UBE2E2: variants seen among roughly 807,000 people sequenced by gnomAD.
UBE2E2 encodes ubiquitin-conjugating enzyme E2 E2.
In UBE2E2, 6 loss-of-function variants were observed where a neutral mutation model predicts 24.7. That is an observed-to-expected ratio of 0.24 (90% confidence interval 0.13 to 0.48). The LOEUF (loss-of-function observed/expected upper bound fraction) is 0.48. Among genes scored for constraint, UBE2E2 ranks in the 20% least tolerant of loss-of-function variants. The pLI is 0.99. For missense variants in UBE2E2, 169 were observed against 245.0 expected, an observed-to-expected ratio of 0.69 and a Z score of 2.07; for synonymous variants, 104 against 83.6, an observed-to-expected ratio of 1.24 and a Z score of -1.33.
chr3:23,575,240 T>C (rs1696322027), intron 5 of UBE2E2, among the ~76,000 whole-genome samples: 1 of 152,058 alleles, frequency 6.6e-6, no homozygotes, highest in African/African-American at 2.4e-5. Flanking sequence ...TACCAATATT[T>C]AAAAATCAGT....
chr3:23,315,884 A>G (rs1208961757), intron 3 of UBE2E2, among the ~76,000 whole-genome samples: 1 of 151,228 alleles, frequency 6.6e-6, no homozygotes, highest in Non-Finnish European at 1.5e-5. Flanking sequence ...TAGAGGTACC[A>G]TCTTGGTGGT....
intron 3 of UBE2E2, among the ~76,000 whole-genome samples, chr3:23,397,383 A>G (rs1697104060): frequency 6.7e-6 from 1 of 148,482 alleles, no homozygotes; most frequent in African/African-American, 2.5e-5. Flanking sequence ...AAAATTGTGA[A>G]CAATAACACT....
chr3:23,307,604 G>A (rs1221120530), intron 3 of UBE2E2, among the ~76,000 whole-genome samples: 1 of 152,102 alleles, frequency 6.6e-6, no homozygotes, highest in Non-Finnish European at 1.5e-5. Flanking sequence ...GAAACCATGA[G>A]TTGAGTTCAG....
At chr3:23,234,379 G>C (rs1431848026) in intron 3 of UBE2E2, among the ~76,000 whole-genome samples, 2 of 152,044 alleles carry the variant, frequency 1.3e-5, no homozygotes, top group African/African-American at 4.8e-5. Flanking sequence ...TTTTCTGTGT[G>C]GAAGGTAGTC....
At chr3:23,452,626 G>A (rs949711605) in intron 3 of UBE2E2, among the ~76,000 whole-genome samples, 4 of 152,174 alleles carry the variant, frequency 2.6e-5, no homozygotes, top group African/African-American at 9.7e-5. Context: ...TAGGCTAGGT[G>A]ATAACTGTTA....
chr3:23,250,230 A>C (rs9867046), intron 3 of UBE2E2, among the ~76,000 whole-genome samples: 23,388 of 152,152 alleles, frequency 0.15, 1,976 homozygotes, highest in South Asian at 0.25. Flanking sequence ...ATTCAGATCA[A>C]ACCACCTGGC....
chr3:23,464,288 T>G (rs1266337744), intron 3 of UBE2E2, among the ~76,000 whole-genome samples: 1 of 152,134 alleles, frequency 6.6e-6, no homozygotes, highest in Non-Finnish European at 1.5e-5. Flanking sequence ...GTAACTTACC[T>G]TTATAGGAAA....
chr3:23,400,689 A>G (rs1483418552), intron 3 of UBE2E2, among the ~76,000 whole-genome samples: 2 of 151,696 alleles, frequency 1.3e-5, no homozygotes, highest in African/African-American at 2.4e-5. Flanking sequence ...TTCATTTATT[A>G]TCCACTTAAA....
At chr3:23,394,068 T>G (rs1457603286) in intron 3 of UBE2E2, among the ~76,000 whole-genome samples, 1 of 152,216 alleles carries the variant, frequency 6.6e-6, no homozygotes, top group East Asian at 1.9e-4. Flanking sequence ...TTTAATACTC[T>G]GGTCTGTAGG....
chr3:23,283,545 A>G (rs1312756801), intron 3 of UBE2E2, among the ~76,000 whole-genome samples: 6 of 152,154 alleles, frequency 3.9e-5, no homozygotes, highest in Admixed American at 3.9e-4. Flanking sequence ...TGAGCAACGT[A>G]GTGAGGCCCT....
At chr3:23,449,662 G>A (rs1005499662) in intron 3 of UBE2E2, among the ~76,000 whole-genome samples, 2 of 152,146 alleles carry the variant, frequency 1.3e-5, no homozygotes, top group Non-Finnish European at 2.9e-5. Context: ...TGGTAATACT[G>A]CAGGTGATTT....
intron 3 of UBE2E2, among the ~76,000 whole-genome samples, chr3:23,471,432 A>G (rs1389122471): frequency 1.3e-5 from 2 of 152,202 alleles, no homozygotes; most frequent in African/African-American, 2.4e-5. Context: ...GGGATCAGTA[A>G]ATGTGTGGAA....
At chr3:23,482,741 T>G (rs1699284442) in intron 3 of UBE2E2, among the ~76,000 whole-genome samples, 1 of 152,190 alleles carries the variant, frequency 6.6e-6, no homozygotes, top group Admixed American at 6.5e-5. Flanking sequence ...TTTATGAGAT[T>G]AAATAGGGAT....
intron 4 of UBE2E2, among the ~76,000 whole-genome samples, chr3:23,518,129 G>A (rs964077939): frequency 6.6e-6 from 1 of 152,066 alleles, no homozygotes; most frequent in Admixed American, 6.6e-5. Context: ...GAGAATATTG[G>A]AGGGGAAAAG....
intron 3 of UBE2E2, among the ~76,000 whole-genome samples, chr3:23,223,487 G>T (rs369373917): frequency 2.6e-5 from 4 of 151,912 alleles, no homozygotes; most frequent in African/African-American, 9.7e-5. Context: ...GCTGCGCTTG[G>T]CCCTTTTGCC....
At chr3:23,439,371 G>A (rs1698248213) in intron 3 of UBE2E2, among the ~76,000 whole-genome samples, 1 of 152,202 alleles carries the variant, frequency 6.6e-6, no homozygotes, top group South Asian at 2.1e-4. Context: ...TATAGTACCT[G>A]CGCTAAGAGA....
chr3:23,286,743 T>C (rs1054405364), intron 3 of UBE2E2, among the ~76,000 whole-genome samples: 2 of 152,302 alleles, frequency 1.3e-5, no homozygotes, highest in South Asian at 4.1e-4. Flanking sequence ...CCTTCAGTAG[T>C]ATGGACGTTT....
intron 3 of UBE2E2, among the ~76,000 whole-genome samples, chr3:23,286,385 A>G (rs909180556): frequency 2.0e-5 from 3 of 152,148 alleles, no homozygotes; most frequent in African/African-American, 7.2e-5. Flanking sequence ...CAGTTTTCCT[A>G]GAACCATTTA....
intron 3 of UBE2E2, among the ~76,000 whole-genome samples, chr3:23,358,876 G>T (rs1191949331): frequency 2.0e-5 from 3 of 152,084 alleles, no homozygotes; most frequent in Non-Finnish European, 2.9e-5. Context: ...TATCTCCTTT[G>T]GTCCTATTAT....
Sources: gnomAD v4.1 joint callset for allele counts (sites outside exome capture counted in the v4.1 genomes callset) on GRCh38, gnomAD v4.1.1 for gene constraint, MANE v1.5 for transcripts, NCBI Gene and HGNC (gene_info 2026-07-23, HGNC 2026-07-21) for gene names.